The following WDR5 variants were observed in gnomAD, a reference collection of about 807,000 sequenced individuals.
WDR5 encodes WD repeat domain 5.
For synonymous variants in WDR5, 144 were observed against 161.6 expected (o/e 0.89, Z 0.83); for missense variants, 187 against 416.9 (o/e 0.45, Z 4.80).
At position 134,154,448 on chromosome 9, in the gene WDR5, T is replaced by C; in HGVS notation, c.632-18T>C. On this transcript the variant is annotated intron_variant, in intron 9 of 13. Transcript: ENST00000358625. Reference sequence around the variant, plus strand: ...CTGTCAGCGCCCGCCGTGTGTCACCTGTCCGTTTTTATTGCAGATGACGAC... The same window carrying C: ...CTGTCAGCGCCCGCCGTGTGTCACCCGTCCGTTTTTATTGCAGATGACGAC... 6.2e-7 allele frequency: 1 copy of C among 1,613,998 alleles called. No homozygotes were observed. Among genetic ancestry groups the C allele is most frequent in the East Asian group, 2.2e-5 (1 of 44,876 alleles).
chr9:134,153,129 G>A (rs1373152815), intron 9 of WDR5, among the ~76,000 whole-genome samples: 2 of 152,136 alleles, frequency 1.3e-5, no homozygotes, highest in South Asian at 2.1e-4. Context: ...AGATCACACC[G>A]CACTTGGTGT....
At chr9:134,137,404 C>G (rs1470266366) in intron 1 of WDR5, among the ~76,000 whole-genome samples, 1 of 152,074 alleles carries the variant, frequency 6.6e-6, no homozygotes, top group Non-Finnish European at 1.5e-5. Flanking sequence ...AAGCCTTGGC[C>G]CGGCGCGGTG....
chr9:134,139,425 C>G (rs1238935108), intron 1 of WDR5, among the ~76,000 whole-genome samples: 1 of 152,210 alleles, frequency 6.6e-6, no homozygotes, highest in Non-Finnish European at 1.5e-5. Context: ...CCCTGAAGCT[C>G]AGTCTTCTGT....
At position 134,157,346 on chromosome 9, in the gene WDR5, C is replaced by T. The variant is rs547173759; in HGVS notation, c.905-547C>T. Among the ~76,000 whole-genome samples, 107 of 152,276 alleles carry T rather than the reference C, an allele frequency of 7.0e-4. No homozygotes were observed. Among genetic ancestry groups the T allele is most frequent in the African/African-American group, 2.3e-3 (96 of 41,558 alleles). ...CACTTTGATGTGGCCGACCTTGCAC[C>T]ACCAGTCTGTTAGTTCTGACCTCCC... is the stretch of plus-strand genomic sequence containing the variant. On this transcript the variant is annotated intron_variant, in intron 13 of 13. Coordinates refer to ENST00000358625, the MANE Select transcript of WDR5 (RefSeq NM_017588.3). This position sits in a 1 kb window ranked among gnomAD's most constrained non-coding sequence, Gnocchi z 5.0.
intron 5 of WDR5, 123 bp downstream of exon 5, chr9:134,142,161 G>GC: frequency 1.1e-6 from 1 of 934,584 alleles, no homozygotes; most frequent in Non-Finnish European, 1.6e-6. Context: ...AAGACTGGCT[G>GC]CAGGGGCATG....
chr9:134,141,916 G>A, intron 4 of WDR5, 33 bp from the exon 5 acceptor site: 1 of 1,603,318 alleles, frequency 6.2e-7, no homozygotes, highest in African/African-American at 1.3e-5. Context: ...ATTTTGTCCT[G>A]TCAAGTTACT....
intron 13 of WDR5, among the ~76,000 whole-genome samples, chr9:134,156,869 T>C (rs528030646): frequency 2.6e-5 from 4 of 152,364 alleles, no homozygotes; most frequent in Admixed American, 6.5e-5. Context: ...TGTGGGACTT[T>C]AGGTGGGTGC....
chr9:134,148,433 G>C, intron 8 of WDR5, 90 bp downstream of exon 8: 1 of 1,171,808 alleles, frequency 8.5e-7, no homozygotes, highest in Non-Finnish European at 1.2e-6. Context: ...GTACAGCAGT[G>C]ACAAAAGACC....
intron 1 of WDR5, among the ~76,000 whole-genome samples, chr9:134,137,076 A>G (rs906680107): frequency 2.0e-5 from 3 of 152,118 alleles, no homozygotes; most frequent in East Asian, 1.9e-4. Flanking sequence ...CTTTGCACAC[A>G]GTATGCTTTT....
chr9:134,137,678 C>CAAAA (rs1462059947), intron 1 of WDR5, among the ~76,000 whole-genome samples: 2 of 140,666 alleles, frequency 1.4e-5, no homozygotes, highest in Non-Finnish European at 3.0e-5. Context: ...AAAAAAAAAA[C>CAAAA]AAAAACAAAA....
At position 134,141,981 on chromosome 9, in the gene WDR5, T is replaced by G; in HGVS notation, c.297T>G (p.Ser99=). ...GISDVAWSSD[S]NLLVSASDDK... ...CCGATGTAGCCTGGTCGTCAGATTC[T>G]AACCTTCTTGTTTCTGCCTCAGATG... The change falls in exon 5 of 14, where the codon TCT becomes TCG. Residue 99 remains serine (S), a synonymous_variant. Coordinates refer to ENST00000358625, the MANE Select transcript of WDR5 (RefSeq NM_017588.3). 1 of 1,614,236 alleles carries G rather than the reference T, an allele frequency of 6.2e-7. No individual in the cohort carries two copies. Among genetic ancestry groups the G allele is most frequent in the Non-Finnish European group, 8.5e-7 (1 of 1,180,050 alleles).
chr9:134,152,271 A>G (rs1817949196), intron 9 of WDR5, among the ~76,000 whole-genome samples: 1 of 152,116 alleles, frequency 6.6e-6, no homozygotes, highest in African/African-American at 2.4e-5. Flanking sequence ...GGGCTCCTCC[A>G]CCTGTGCTGT....
At chr9:134,146,506 G>C (rs1485155003) in intron 7 of WDR5, among the ~76,000 whole-genome samples, 1 of 152,202 alleles carries the variant, frequency 6.6e-6, no homozygotes, top group Non-Finnish European at 1.5e-5. Context: ...AAAATGCTGG[G>C]ATTACAGGCG....
intron 10 of WDR5, 130 bp downstream of exon 10, chr9:134,154,671 G>A (rs1409498307): frequency 1.2e-5 from 13 of 1,048,840 alleles, no homozygotes; most frequent in African/African-American, 3.2e-5. Flanking sequence ...GTGGAGCTTC[G>A]GCTTCTGGGC....
chr9:134,140,175 A>G (rs1831806359), intron 2 of WDR5, among the ~76,000 whole-genome samples: 1 of 152,236 alleles, frequency 6.6e-6, no homozygotes, highest in South Asian at 2.1e-4. Flanking sequence ...TCAAAAATAC[A>G]GATTCTTGGT....
chr9:134,137,678 C>CAA (rs1462059947), intron 1 of WDR5, among the ~76,000 whole-genome samples: 1,508 of 140,672 alleles, frequency 0.011, 37 homozygotes, highest in Middle Eastern at 0.022. Context: ...AAAAAAAAAA[C>CAA]AAAAACAAAA....
chr9:134,138,360 G>A (rs1019714319), intron 1 of WDR5, among the ~76,000 whole-genome samples: 3 of 152,226 alleles, frequency 2.0e-5, no homozygotes, highest in African/African-American at 7.2e-5. Context: ...CTAACGCTAG[G>A]ACTGTTATAG....
intron 2 of WDR5, among the ~76,000 whole-genome samples, chr9:134,140,255 C>T (rs1462112824): frequency 6.6e-6 from 1 of 152,184 alleles, no homozygotes; most frequent in African/African-American, 2.4e-5. Context: ...TGGCTGCGAT[C>T]CTGACGCACA....
intron 7 of WDR5, among the ~76,000 whole-genome samples, chr9:134,143,075 G>C (rs1831979453): frequency 6.6e-6 from 1 of 151,486 alleles, no homozygotes; most frequent in African/African-American, 2.4e-5. Flanking sequence ...AGGGCACTGG[G>C]AGTGGTGGGA....
Sources: gnomAD v4.1 joint callset for allele counts (sites outside exome capture counted in the v4.1 genomes callset) on GRCh38, gnomAD v4.1.1 for gene constraint, Gnocchi (gnomAD v3.1) non-coding constraint, MANE v1.5 for transcripts, NCBI Gene and HGNC (gene_info 2026-07-23, HGNC 2026-07-21) for gene names.